Variants in ADARB2 observed in about 807,000 individuals in gnomAD.
The protein encoded by ADARB2 is inactive double-stranded RNA-specific editase B2.
ADARB2 carries 25 observed loss-of-function variants against 62.2 expected under a neutral mutation model. That is an observed-to-expected ratio of 0.40 (90% CI 0.29 to 0.56). The LOEUF (loss-of-function observed/expected upper bound fraction) is 0.56, where lower values mean the gene tolerates loss of function less well. Ranked by LOEUF, ADARB2 falls within the 20% of genes least tolerant of loss-of-function variation. ADARB2 has a pLI of 0.43. For synonymous variants in ADARB2, 572 were observed against 500.8 expected (o/e 1.14, Z -1.90); for missense variants, 1,071 against 1,077.4 (o/e 0.99, Z 0.08).
At position 1,451,188 on chromosome 10, in the gene ADARB2, CAGGAGACAACT is replaced by C. The variant is rs555971752; in HGVS notation, c.101-72039_101-72029del. 3.9e-3 allele frequency among the ~76,000 whole-genome samples: 588 copies of C among 152,300 alleles called. 1 individual carries two copies. The highest frequency in any genetic ancestry group is 6.4e-3 in the Non-Finnish European group (433 of 68,016). On this transcript the variant is annotated intron_variant, in intron 1 of 9. Coordinates refer to ENST00000381312, the MANE Select transcript of ADARB2 (RefSeq NM_018702.4). ...TAGTTCATCAAAAAACACTTTTTCTCAGGAGACAACTAGGAATCACCTAGGACACACTATGA... is the reference window on the plus strand; with the variant it reads ...TAGTTCATCAAAAAACACTTTTTCTCAGGAATCACCTAGGACACACTATGA...
chr10:1,441,167 C>A (rs1352763204), intron 1 of ADARB2, among the ~76,000 whole-genome samples: 1 of 152,122 alleles, frequency 6.6e-6, no homozygotes, highest in Non-Finnish European at 1.5e-5. Context: ...CATCTGCCTC[C>A]TGAATTGCCT....
At chr10:1,425,111 A>G (rs567532275) in intron 1 of ADARB2, among the ~76,000 whole-genome samples, 3 of 152,312 alleles carry the variant, frequency 2.0e-5, no homozygotes, top group Non-Finnish European at 4.4e-5. Context: ...GAATTCAATG[A>G]GCCTGGAGCC....
chr10:1,468,131 C>T (rs1002109728), intron 1 of ADARB2, among the ~76,000 whole-genome samples: 59 of 152,140 alleles, frequency 3.9e-4, no homozygotes, highest in African/African-American at 1.3e-3. Flanking sequence ...GTGTTTCTCC[C>T]CTAAAATAAT....
rs1437775677 is a variant in ADARB2 at position 1,540,845 on chromosome 10, C to T, written c.101-161685G>A. 1.1e-4 allele frequency among the ~76,000 whole-genome samples: 5 copies of T among 45,504 alleles called. 1 individual carries two copies. Among genetic ancestry groups the T allele is most frequent in the Non-Finnish European group, 2.3e-4 (5 of 21,984 alleles). The allele number at this position is 45,504 out of a possible 152,430, so 29.9% of individuals were successfully genotyped here. A position where few individuals can be genotyped will look rare whatever the true frequency, so the allele number is the denominator to read the frequency against. On this transcript the variant is annotated intron_variant, in intron 1 of 9. Coordinates refer to ENST00000381312, the MANE Select transcript of ADARB2 (RefSeq NM_018702.4). ...TCAGATGTAGTTCAGACCCTGGATCCGTCCAGACCCCACTCAGACGTAGTT... is the reference window on the plus strand; with the variant it reads ...TCAGATGTAGTTCAGACCCTGGATCTGTCCAGACCCCACTCAGACGTAGTT...
chr10:1,704,036 G>A lies in ADARB2; in HGVS notation c.100+33015C>T, dbSNP rs1834856482. Among the ~76,000 whole-genome samples, 1 of 152,294 alleles carries A rather than the reference G, an allele frequency of 6.6e-6. No individual in the cohort carries two copies. Among genetic ancestry groups the A allele is most frequent in the African/African-American group, 2.4e-5 (1 of 41,558 alleles). Reference sequence around the variant, plus strand: ...ATTGCTTTGTGACAAGTTACCTCAAGAGTTAGTATCTTAAAAGAACAAACA... The same window carrying A: ...ATTGCTTTGTGACAAGTTACCTCAAAAGTTAGTATCTTAAAAGAACAAACA... On this transcript the variant is annotated intron_variant, in intron 1 of 9. Coordinates refer to ENST00000381312, the MANE Select transcript of ADARB2 (RefSeq NM_018702.4). The surrounding 1 kb of genome is among the most constrained non-coding windows in gnomAD (Gnocchi z 5.6).
intron 1 of ADARB2, among the ~76,000 whole-genome samples, chr10:1,705,198 C>A (rs1055823184): frequency 1.3e-5 from 2 of 152,180 alleles, no homozygotes; most frequent in Non-Finnish European, 2.9e-5. Flanking sequence ...ATGACGAAAC[C>A]ACTTTGACAC....
At chr10:1,256,571 A>C (rs1352480781) in intron 4 of ADARB2, among the ~76,000 whole-genome samples, 4 of 152,208 alleles carry the variant, frequency 2.6e-5, no homozygotes, top group Non-Finnish European at 5.9e-5. Context: ...TAAAACCTCA[A>C]AATACATAGA....
At chr10:1,688,760 A>T (rs369978072) in intron 1 of ADARB2, among the ~76,000 whole-genome samples, 5 of 152,360 alleles carry the variant, frequency 3.3e-5, no homozygotes, top group African/African-American at 7.2e-5. Context: ...GACTTACGTT[A>T]GCGCTGACTC....
rs548520767 is a variant in ADARB2 at position 1,450,034 on chromosome 10, G to T, written c.101-70874C>A. Among the ~76,000 whole-genome samples, 66 of 152,316 alleles carry T rather than the reference G, an allele frequency of 4.3e-4. No individual in the cohort carries two copies. The South Asian group carries it at 0.012, about 28-fold the overall frequency. On this transcript the variant is annotated intron_variant, in intron 1 of 9. Coordinates refer to ENST00000381312, the MANE Select transcript of ADARB2 (RefSeq NM_018702.4). ...GGCCAGCATGACGCTTGAATGGAAG[G>T]AGGCTGCCGCCAGTATGACGCTTGA...
Position 1,205,985 on chromosome 10 carries a change from C to T in ADARB2, c.1683-5838G>A, listed in dbSNP as rs374578133. Reference sequence around the variant, plus strand: ...GCCCGTTGGGGTCAGGTGGGTGTCACGGGGCAGCCCGCTGGGGTCAGGTGG... The same window carrying T: ...GCCCGTTGGGGTCAGGTGGGTGTCATGGGGCAGCCCGCTGGGGTCAGGTGG... On this transcript the variant is annotated intron_variant, in intron 7 of 9. Coordinates refer to ENST00000381312, the MANE Select transcript of ADARB2 (RefSeq NM_018702.4). Among the ~76,000 whole-genome samples the T allele has an allele frequency of 2.2e-5, 3 of 134,666 alleles. No homozygotes were observed. The East Asian group carries it at 6.8e-4, about 30-fold the overall frequency. 88.3% of individuals were successfully genotyped at this position (134,666 alleles called of 152,430 possible). A position where few individuals can be genotyped will look rare whatever the true frequency, so the allele number is the denominator to read the frequency against.
chr10:1,645,360 GA>G (rs1834026391), intron 1 of ADARB2, among the ~76,000 whole-genome samples: 1 of 152,242 alleles, frequency 6.6e-6, no homozygotes, highest in Non-Finnish European at 1.5e-5. Context: ...GACCAGGGTA[GA>G]GATGCATGCC....
chr10:1,401,790 C>G (rs1316294308), intron 1 of ADARB2, among the ~76,000 whole-genome samples: 1 of 152,138 alleles, frequency 6.6e-6, no homozygotes, highest in African/African-American at 2.4e-5. Flanking sequence ...TCTTGCTTGT[C>G]TTTAGAAAAC....
chr10:1,221,549 T>C (rs1480472264), intron 6 of ADARB2, among the ~76,000 whole-genome samples: 2 of 152,044 alleles, frequency 1.3e-5, no homozygotes, highest in African/African-American at 2.4e-5. Flanking sequence ...GTATATCTCC[T>C]AATGCTATCC....
At chr10:1,198,026 A>C (rs989719699) in intron 8 of ADARB2, among the ~76,000 whole-genome samples, 1 of 152,352 alleles carries the variant, frequency 6.6e-6, no homozygotes, top group South Asian at 2.1e-4. Context: ...CCTTTAGGCT[A>C]TCTGTACTCA....
At chr10:1,320,395 C>A (rs890128342) in intron 3 of ADARB2, among the ~76,000 whole-genome samples, 93 of 152,312 alleles carry the variant, frequency 6.1e-4, no homozygotes, top group African/African-American at 2.1e-3. Context: ...TTTCAAATCA[C>A]ACCATGTAGA....
At chr10:1,383,055 C>T (rs1832498207) in intron 1 of ADARB2, among the ~76,000 whole-genome samples, 1 of 152,174 alleles carries the variant, frequency 6.6e-6, no homozygotes, top group African/African-American at 2.4e-5. Context: ...TTGTAAGTTC[C>T]AGGACACTTG....
intron 1 of ADARB2, among the ~76,000 whole-genome samples, chr10:1,516,647 G>A (rs950574422): frequency 6.6e-6 from 1 of 152,182 alleles, no homozygotes; most frequent in Non-Finnish European, 1.5e-5. Flanking sequence ...CTTAATAAGG[G>A]CTAGAAAGAA....
intron 1 of ADARB2, among the ~76,000 whole-genome samples, chr10:1,533,782 G>A (rs547488190): frequency 6.7e-4 from 102 of 152,272 alleles, no homozygotes; most frequent in Non-Finnish European, 1.3e-3. Context: ...CGTATGAAAT[G>A]CCCAGACAAG....
chr10:1,630,385 C>A (rs1027248541), intron 1 of ADARB2, among the ~76,000 whole-genome samples: 1 of 152,094 alleles, frequency 6.6e-6, no homozygotes, highest in Non-Finnish European at 1.5e-5. Context: ...TCCTACCCAG[C>A]GGTGACACCC....
Sources: gnomAD v4.1 joint callset for allele counts (sites outside exome capture counted in the v4.1 genomes callset) on GRCh38, gnomAD v4.1.1 for gene constraint, Gnocchi (gnomAD v3.1) non-coding constraint, MANE v1.5 for transcripts, NCBI Gene and HGNC (gene_info 2026-07-23, HGNC 2026-07-21) for gene names.